The following MAPK10 variants were observed in gnomAD, a reference collection of about 807,000 sequenced individuals.
The protein encoded by MAPK10 is mitogen-activated protein kinase 10, also known as JNK3 alpha protein kinase.
A neutral mutation model predicts 59.3 loss-of-function variants in MAPK10; 25 were observed. That is an observed-to-expected ratio of 0.42 (90% CI 0.31 to 0.59). The LOEUF (loss-of-function observed/expected upper bound fraction) is 0.59, where lower values mean the gene tolerates loss of function less well. Among genes scored for constraint, MAPK10 ranks in the 20% least tolerant of loss-of-function variants. The pLI, the probability that MAPK10 is intolerant of heterozygous loss-of-function variation, is 0.15. For missense variants in MAPK10, 351 were observed against 568.9 expected (o/e 0.62, Z 3.90); for synonymous variants, 190 against 200.5 (o/e 0.95, Z 0.44).
chr4:86,528,586 C>A (rs1757644915), intron 1 of MAPK10, among the ~76,000 whole-genome samples: 1 of 152,104 alleles, frequency 6.6e-6, no homozygotes, highest in Non-Finnish European at 1.5e-5. Flanking sequence ...GGCTCAAGTG[C>A]TACAGCTATT....
upstream of MAPK10, among the ~76,000 whole-genome samples, chr4:86,457,051 A>C (rs1311049379): frequency 1.3e-5 from 2 of 152,232 alleles, no homozygotes; most frequent in Non-Finnish European, 2.9e-5. Flanking sequence ...AATCAAAAAC[A>C]AAAATCACAA....
intron 1 of MAPK10, among the ~76,000 whole-genome samples, chr4:86,412,925 C>T (rs935413318): frequency 7.9e-5 from 12 of 152,148 alleles, no homozygotes; most frequent in African/African-American, 2.4e-4. Context: ...AGTTATTCTC[C>T]GTCAAGTTTC....
chr4:86,094,912 T>C (rs569282240), intron 9 of MAPK10, among the ~76,000 whole-genome samples: 22 of 151,946 alleles, frequency 1.4e-4, no homozygotes, highest in African/African-American at 5.3e-4. Context: ...GAATGTTTAG[T>C]AACATATTTA....
intron 10 of MAPK10, 139 bp downstream of exon 10, chr4:86,067,633 AT>A: frequency 1.4e-6 from 1 of 693,168 alleles, no homozygotes. Flanking sequence ...ACCACCCTAT[AT>A]CCCACAAAAA....
chr4:86,544,717 T>A (rs982082508), intron 1 of MAPK10, among the ~76,000 whole-genome samples: 2 of 152,230 alleles, frequency 1.3e-5, no homozygotes, highest in African/African-American at 4.8e-5. Context: ...TTAGTTTGTC[T>A]ATCTGATAAG....
At chr4:86,276,724 TTA>T (rs2094589595) in intron 2 of MAPK10, among the ~76,000 whole-genome samples, 1 of 152,124 alleles carries the variant, frequency 6.6e-6, no homozygotes, top group South Asian at 2.1e-4. Context: ...ATTGACTCCT[TTA>T]TTCCTCATAA....
At chr4:86,377,841 G>A (rs918804803) in intron 1 of MAPK10, among the ~76,000 whole-genome samples, 2 of 152,060 alleles carry the variant, frequency 1.3e-5, no homozygotes, top group African/African-American at 2.4e-5. Flanking sequence ...TCCGATGTTC[G>A]AGGGCAGGAA....
At chr4:86,052,874 C>T (rs1561034295) in intron 11 of MAPK10, among the ~76,000 whole-genome samples, 3 of 152,134 alleles carry the variant, frequency 2.0e-5, no homozygotes, top group East Asian at 1.9e-4. Context: ...TTAGTAGAGA[C>T]GGGATTTCGC....
chr4:86,137,237 T>C (rs1157082273), intron 4 of MAPK10, among the ~76,000 whole-genome samples: 4 of 151,942 alleles, frequency 2.6e-5, no homozygotes, highest in Admixed American at 2.6e-4. Flanking sequence ...TATACATTTT[T>C]TCAGCACCAC....
intron 2 of MAPK10, among the ~76,000 whole-genome samples, chr4:86,271,309 A>G (rs950740249): frequency 1.3e-5 from 2 of 151,914 alleles, no homozygotes; most frequent in South Asian, 4.1e-4. Flanking sequence ...GGCCATTTCT[A>G]TATCTTCCTT....
At chr4:86,265,380 G>T (rs2094190213) in intron 2 of MAPK10, among the ~76,000 whole-genome samples, 1 of 151,800 alleles carries the variant, frequency 6.6e-6, no homozygotes, top group Admixed American at 6.6e-5. Context: ...ATGGTGGCAG[G>T]CACCTGCAAT....
chr4:86,145,018 A>T (rs190832605), intron 4 of MAPK10, among the ~76,000 whole-genome samples: 1 of 152,288 alleles, frequency 6.6e-6, no homozygotes, highest in African/African-American at 2.4e-5. Context: ...CAAAAAAGAT[A>T]TCAATGATAA....
At chr4:86,417,698 C>G (rs1163541042) in intron 1 of MAPK10, among the ~76,000 whole-genome samples, 1 of 152,116 alleles carries the variant, frequency 6.6e-6, no homozygotes, top group Non-Finnish European at 1.5e-5. Context: ...ATCTAGAGAT[C>G]CTCTGAGAAC....
chr4:86,531,752 G>A (rs2149091587), intron 1 of MAPK10, among the ~76,000 whole-genome samples: 1 of 152,296 alleles, frequency 6.6e-6, no homozygotes, highest in South Asian at 2.1e-4. Context: ...AAGCATCCAG[G>A]ATTGGGGGAG....
At chr4:86,326,441 C>A (rs1037412414) in intron 2 of MAPK10, 2 of 152,102 alleles carry the variant, frequency 1.3e-5, no homozygotes, top group African/African-American at 4.8e-5. Context: ...CAATGGCTTC[C>A]CTGAGAGATG....
chr4:86,046,619 A>T (rs2042553323), intron 11 of MAPK10, among the ~76,000 whole-genome samples: 1 of 152,136 alleles, frequency 6.6e-6, no homozygotes, highest in African/African-American at 2.4e-5. Flanking sequence ...ACGATATATT[A>T]ACTCGGAAAA....
intron 1 of MAPK10, among the ~76,000 whole-genome samples, chr4:86,551,217 A>G (rs1759748291): frequency 2.0e-5 from 3 of 152,324 alleles, no homozygotes; most frequent in South Asian, 2.1e-4. Flanking sequence ...AAACCACTTC[A>G]TTTACATTAC....
At chr4:86,396,357 A>C (rs1405618224) in intron 1 of MAPK10, among the ~76,000 whole-genome samples, 3 of 152,160 alleles carry the variant, frequency 2.0e-5, no homozygotes, top group Non-Finnish European at 4.4e-5. Flanking sequence ...AAAAAAAAGA[A>C]AGAAAGTAGC....
At chr4:86,282,769 C>T (rs1460542583) in intron 2 of MAPK10, among the ~76,000 whole-genome samples, 2 of 152,140 alleles carry the variant, frequency 1.3e-5, no homozygotes, top group African/African-American at 4.8e-5. Flanking sequence ...TTTCCTGAGG[C>T]TTCAGAGGCA....
Sources: gnomAD v4.1 joint callset for allele counts (sites outside exome capture counted in the v4.1 genomes callset) on GRCh38, gnomAD v4.1.1 for gene constraint, MANE v1.5 for transcripts, NCBI Gene and HGNC (gene_info 2026-07-23, HGNC 2026-07-21) for gene names.